The following NPAT variants were observed in gnomAD, a reference collection of about 807,000 sequenced individuals.
NPAT encodes the protein nuclear protein, coactivator of histone transcription.
Under a neutral mutation model 130.7 loss-of-function variants are expected in NPAT, and 52 were observed. The ratio of observed to expected loss-of-function variants is 0.40; its 90% CI spans 0.32 to 0.50. The LOEUF is 0.50. NPAT is among the 20% of genes least tolerant of loss of function. The pLI, the probability that NPAT is intolerant of heterozygous loss-of-function variation, is 0.68. For synonymous variants in NPAT, 580 were observed against 584.8 expected, an observed-to-expected ratio of 0.99 and a Z score of 0.12; for missense variants, 1,687 against 1,662.6, an observed-to-expected ratio of 1.01 and a Z score of -0.26.
Position 108,190,480 on chromosome 11 carries a change from C to T in NPAT, c.311G>A (p.Arg104Lys), listed in dbSNP as rs376331502. Reference protein sequence around the residue: ...SQIRSMQSSPRFAGSQRARTR... With the variant: ...SQIRSMQSSPKFAGSQRARTR... ...CCAACCTCTCTGACTGCCAGCAAAC[C>T]TTGGGGAACTTTGCATGCTCCTAAC... Residue 104 changes from arginine to lysine, a missense_variant, in exon 5 of 18, where the codon AGG becomes AAG. This residue lies in a region of NPAT where 307 missense variants were observed against 298.9 expected (regional missense o/e 1.03). Transcript: ENST00000278612. 50 of 1,613,806 alleles carry T rather than the reference C, an allele frequency of 3.1e-5. No homozygotes were observed. The highest frequency in any genetic ancestry group is 4.2e-5 in the Non-Finnish European group (49 of 1,179,898).
At chr11:108,162,417 T>C (rs978053268) in intron 15 of NPAT, among the ~76,000 whole-genome samples, 1 of 152,194 alleles carries the variant, frequency 6.6e-6, no homozygotes, top group African/African-American at 2.4e-5. Context: ...ATGCATCAAC[T>C]TCAGGCAAAT....
In NPAT at chr11:108,172,625, C is replaced by G. The variant is rs772893034; in HGVS notation, c.2359G>C (p.Val787Leu). ...GTTTCTTCTGAAGATAGGCATTTAA[C>G]TAGTTCTGCATTTTTAGTAGGTGAT... is the stretch of plus-strand genomic sequence containing the variant. ...TKSPTKNAEL[V>L]KCLSSEETVG... Residue 787 changes from valine to leucine, a missense_variant, in exon 13 of 18, where the codon GTT becomes CTT. Physicochemically the swap from Val to Leu is conservative, Grantham distance 32. Around this residue, in one of 3 missense-constraint regions of NPAT, gnomAD observed 1,379 missense variants for 1,346.6 expected, o/e 1.02. Transcript: ENST00000278612. The G allele has an allele frequency of 1.2e-6, 2 of 1,614,168 alleles. No individual in the cohort carries two copies. Among genetic ancestry groups the G allele is most frequent in the South Asian group, 1.1e-5 (1 of 91,084 alleles).
At chr11:108,208,033 T>C (rs767294343) in intron 1 of NPAT, among the ~76,000 whole-genome samples, 9 of 152,232 alleles carry the variant, frequency 5.9e-5, no homozygotes, top group Non-Finnish European at 1.3e-4. Context: ...GTTGAGTATA[T>C]CCCTTATCTG....
Position 108,161,677 on chromosome 11 carries a change from G to A in NPAT, c.3409C>T (p.Arg1137Trp), listed in dbSNP as rs568463788. 39 of 1,613,898 alleles carry A rather than the reference G, an allele frequency of 2.4e-5. No homozygotes were observed. The highest frequency in any genetic ancestry group is 1.3e-4 in the South Asian group (12 of 91,086). Reference protein sequence around the residue: ...ILSKSESAISRHTTIRETQSE... With the variant: ...ILSKSESAISWHTTIRETQSE... ...TGAGTTTCTCTTATGGTGGTATGCC[G>A]GCTAATGGCACTTTCCGATTTAGAT... is the stretch of plus-strand genomic sequence containing the variant. The change falls in exon 17 of 18, where the codon CGG (arginine) becomes TGG (tryptophan). Residue 1137 changes from arginine (R) to tryptophan (W), a missense_variant. This residue lies in a region of NPAT where 1,379 missense variants were observed against 1,346.6 expected (regional missense o/e 1.02). Coordinates refer to ENST00000278612, the MANE Select transcript of NPAT (RefSeq NM_002519.3).
At position 108,168,869 on chromosome 11, in the gene NPAT, A is replaced by G. The variant is rs920681919; in HGVS notation, c.3010+875T>C. ...CAAAGGGTCCATGCTGGGAAGTGGTAAGAGATGAGATGGAGAGGTCGAGAG... is the reference window on the plus strand; with the variant it reads ...CAAAGGGTCCATGCTGGGAAGTGGTGAGAGATGAGATGGAGAGGTCGAGAG... On this transcript the variant is annotated intron_variant, in intron 15 of 17. Coordinates refer to ENST00000278612, the MANE Select transcript of NPAT (RefSeq NM_002519.3). 6.6e-5 allele frequency among the ~76,000 whole-genome samples: 10 copies of G among 152,278 alleles called. No homozygotes were observed. In the East Asian group the frequency reaches 1.9e-3, roughly 29 times the overall value.
intron 17 of NPAT, among the ~76,000 whole-genome samples, chr11:108,160,354 T>C (rs2077834455): frequency 6.6e-6 from 1 of 151,828 alleles, no homozygotes. Flanking sequence ...GTAAATTTGA[T>C]TTTTCCACTG....
At chr11:108,207,314 A>G (rs2078338316) in intron 1 of NPAT, among the ~76,000 whole-genome samples, 1 of 152,170 alleles carries the variant, frequency 6.6e-6, no homozygotes, top group Non-Finnish European at 1.5e-5. Context: ...TGGGCCATGG[A>G]TCTGCAGTCT....
intron 2 of NPAT, 72 bp downstream of exon 2, chr11:108,197,230 A>T: frequency 9.1e-7 from 1 of 1,096,938 alleles, no homozygotes; most frequent in Admixed American, 1.7e-5. Context: ...TTTTCTGATA[A>T]GCTGATTTTA....
At chr11:108,193,507 C>G (rs2134869779) in intron 3 of NPAT, among the ~76,000 whole-genome samples, 1 of 152,206 alleles carries the variant, frequency 6.6e-6, no homozygotes. Context: ...GGGTGGATCA[C>G]CTGAGGTCGG....
Position 108,157,740 on chromosome 11 carries a change from A to G in NPAT, c.*1202T>C, listed in dbSNP as rs1248771989. 1 of 152,532 alleles carries G rather than the reference A, an allele frequency of 6.6e-6. No homozygotes were observed. Among genetic ancestry groups the G allele is most frequent in the Non-Finnish European group, 1.5e-5 (1 of 67,970 alleles). The allele number at this position is 152,532 out of a possible 1,614,324, so 9.4% of individuals were successfully genotyped here. On this transcript the variant is annotated 3_prime_UTR_variant, in exon 18 of 18. Coordinates refer to ENST00000278612, the MANE Select transcript of NPAT (RefSeq NM_002519.3). ...AGTACTAAAGAGAACATACTTTAAT[A>G]TCTAGGCACAATTGGTCAGGTACTA... is the stretch of plus-strand genomic sequence containing the variant.
At position 108,173,363 on chromosome 11, in the gene NPAT, T is replaced by A. The variant is rs571685037; in HGVS notation, c.1621A>T (p.Thr541Ser). 19 of 1,613,714 alleles carry A rather than the reference T, an allele frequency of 1.2e-5. 1 individual carries two copies. The African/African-American group carries it at 1.6e-4, about 14-fold the overall frequency. Residue 541 changes from threonine (T) to serine (S), a missense_variant, in exon 13 of 18, where the codon ACT becomes TCT. Thr to Ser is a moderately conservative substitution (Grantham distance 58, BLOSUM62 1). Coordinates refer to ENST00000278612, the MANE Select transcript of NPAT (RefSeq NM_002519.3). Reference protein sequence around the residue: ...SQLLSQDTSLTGKPSKKSQFC... With the variant: ...SQLLSQDTSLSGKPSKKSQFC... ...TGACTTTTTTTAGATGGCTTTCCAG[T>A]TAATGAAGTATCTTGGGATAAAAGT... is the stretch of plus-strand genomic sequence containing the variant.
chr11:108,162,850 A>G (rs879592467), intron 15 of NPAT, among the ~76,000 whole-genome samples: 3 of 152,218 alleles, frequency 2.0e-5, no homozygotes, highest in Non-Finnish European at 4.4e-5. Flanking sequence ...TATCTATTTT[A>G]AAATTCTGTC....
chr11:108,173,136 A>G lies in NPAT; in HGVS notation c.1848T>C (p.Asn616=). The stretch of plus-strand genomic sequence containing the variant: ...GATGAATTTCTACTTGTCCAGATAC[A>G]TTTAAATGTGAACTTTCAACAGACA... ...LPVSVESSHL[N]VSGQVEIHLG... Residue 616 remains asparagine, a synonymous_variant, in exon 13 of 18, where the codon AAT becomes AAC. Coordinates refer to ENST00000278612, the MANE Select transcript of NPAT (RefSeq NM_002519.3). The G allele has an allele frequency of 6.2e-7, 1 of 1,613,976 alleles. No homozygotes were observed. The highest frequency in any genetic ancestry group is 8.5e-7 in the Non-Finnish European group (1 of 1,179,932).
At chr11:108,221,006 G>T (rs1161367383) in intron 1 of NPAT, among the ~76,000 whole-genome samples, 2 of 152,202 alleles carry the variant, frequency 1.3e-5, no homozygotes, top group African/African-American at 4.8e-5. Flanking sequence ...TCCATTAAAT[G>T]AAAAGCAGGA....
At chr11:108,183,418 C>G (rs1243670417) in intron 10 of NPAT, among the ~76,000 whole-genome samples, 1 of 152,216 alleles carries the variant, frequency 6.6e-6, no homozygotes. Context: ...CTCTAATACA[C>G]TCACATGGGC....
intron 6 of NPAT, among the ~76,000 whole-genome samples, chr11:108,188,838 C>T (rs561201566): frequency 1.3e-5 from 2 of 152,072 alleles, no homozygotes; most frequent in Admixed American, 1.3e-4. Context: ...TCAAATACAA[C>T]AGCTTCTTTT....
rs938465788 is a variant in NPAT, at chr11:108,161,043, G to C, written c.4043C>G (p.Ser1348Ter). ...TGTGTTATCTTTCAGAGGAGTTGCT[G>C]AAGTAGTCCTAGAAATGGCTGCCCT... is the stretch of plus-strand genomic sequence containing the variant. ...LSRAAISRTT[S>*]ATPLKDNTQQ... The change falls in exon 17 of 18, where the codon TCA becomes TGA. Residue 1348 changes from serine to a stop codon, truncating the protein, a stop_gained. Coordinates refer to ENST00000278612, the MANE Select transcript of NPAT (RefSeq NM_002519.3). LOFTEE classifies it high-confidence loss of function. 6.2e-7 allele frequency: 1 copy of C among 1,614,034 alleles called. No homozygotes were observed. The highest frequency in any genetic ancestry group is 8.5e-7 in the Non-Finnish European group (1 of 1,180,032).
chr11:108,180,197 C>T (rs1160554670), intron 10 of NPAT, among the ~76,000 whole-genome samples: 1 of 152,066 alleles, frequency 6.6e-6, no homozygotes, highest in African/African-American at 2.4e-5. Flanking sequence ...CATGGTGACA[C>T]ACACCTGTAG....
chr11:108,162,237 A>G (rs924014475), intron 15 of NPAT, 57 bp from the exon 16 acceptor site: 11 of 1,441,498 alleles, frequency 7.6e-6, no homozygotes, highest in Non-Finnish European at 1.1e-5. Flanking sequence ...GAAAGAGGAT[A>G]GAACAGATGA....
Sources: gnomAD v4.1 joint callset for allele counts (sites outside exome capture counted in the v4.1 genomes callset) on GRCh38, gnomAD v4.1.1 for gene constraint, gnomAD v4.1.1 regional missense constraint, MANE v1.5 for transcripts, NCBI Gene and HGNC (gene_info 2026-07-23, HGNC 2026-07-21) for gene names.